Variants in UTP20 observed in about 807,000 individuals in gnomAD.
The protein encoded by UTP20 is small subunit processome component 20 homolog.
UTP20 carries 164 observed loss-of-function variants against 329.5 expected under a neutral mutation model. That is an observed-to-expected ratio of 0.50 (90% CI 0.44 to 0.57). The LOEUF (loss-of-function observed/expected upper bound fraction) is 0.57, where lower values mean the gene tolerates loss of function less well. UTP20 is among the 20% of genes least tolerant of loss of function. The pLI, the probability that UTP20 is intolerant of heterozygous loss-of-function variation, is 0.00. For synonymous variants in UTP20, 1,151 were observed against 1,159.3 expected, an observed-to-expected ratio of 0.99 and a Z score of 0.14; for missense variants, 3,055 against 3,284.2, an observed-to-expected ratio of 0.93 and a Z score of 1.71.
chr12:101,321,570 A>G lies in UTP20; in HGVS notation c.2982A>G (p.Ser994=), dbSNP rs1364117347. 6.2e-7 allele frequency: 1 copy of G among 1,613,638 alleles called. No homozygotes were observed. The highest frequency in any genetic ancestry group is 8.5e-7 in the Non-Finnish European group (1 of 1,179,812). ...FKEEIVHFSI[S]EDNAVVKTAH... ...AAGAGATAGTGCATTTTAGCATTTC[A>G]GAAGATAATGCTGTAGTGAAAACAG... Residue 994 remains serine (S), a synonymous_variant, in exon 25 of 62, where the codon TCA becomes TCG. Coordinates refer to ENST00000261637, the MANE Select transcript of UTP20 (RefSeq NM_014503.3).
At chr12:101,309,937 G>C (rs1872734405) in intron 19 of UTP20, 98 bp downstream of exon 19, 1 of 1,030,078 alleles carries the variant, frequency 9.7e-7, no homozygotes, top group African/African-American at 1.6e-5. Flanking sequence ...TTAAATGAAT[G>C]GGTGTATATG....
intron 29 of UTP20, among the ~76,000 whole-genome samples, chr12:101,337,199 T>C (rs1007286623): frequency 1.3e-5 from 2 of 152,156 alleles, no homozygotes; most frequent in African/African-American, 4.8e-5. Context: ...GTGTAGAGCC[T>C]ACCCGTACCA....
intron 41 of UTP20, among the ~76,000 whole-genome samples, chr12:101,355,814 A>G (rs1869699791): frequency 6.6e-6 from 1 of 152,088 alleles, no homozygotes; most frequent in African/African-American, 2.4e-5. Context: ...TTTGTAATAC[A>G]AATTTATATA....
rs137947999 is a variant in UTP20 at position 101,311,749 on chromosome 12, A to G, written c.2262A>G (p.Gln754=). Residue 754 remains glutamine (Q), a synonymous_variant, in exon 20 of 62, where the codon CAA becomes CAG. Coordinates refer to ENST00000261637, the MANE Select transcript of UTP20 (RefSeq NM_014503.3). ...ATGCACACGAAATGGAAAATAAGCA[A>G]TTTTGGAAAGTCTACTATGAGCATC... ...SSHAHEMENK[Q]FWKVYYEHLE... 929 of 1,613,308 alleles carry G rather than the reference A, an allele frequency of 5.8e-4. 2 individuals carry two copies. Among genetic ancestry groups the G allele is most frequent in the South Asian group, 9.4e-4 (85 of 90,838 alleles).
Position 101,352,141 on chromosome 12 carries a change from A to G in UTP20, c.4971A>G (p.Lys1657=). The change falls in exon 39 of 62, where the codon AAA becomes AAG. Residue 1657 remains lysine, a synonymous_variant. Coordinates refer to ENST00000261637, the MANE Select transcript of UTP20 (RefSeq NM_014503.3). ...GGTCAGCGTATATGTATTACTTGAA[A>G]CATTTCATTCATGTCTTACAAACGG... ...LSWSAYMYYL[K]HFIHVLQTGQ... 6.2e-7 allele frequency: 1 copy of G among 1,613,916 alleles called. No individual in the cohort carries two copies. The highest frequency in any genetic ancestry group is 8.5e-7 in the Non-Finnish European group (1 of 1,179,986).
At chr12:101,367,677 C>T (rs1238610700) in intron 47 of UTP20, among the ~76,000 whole-genome samples, 183 bp from the exon 48 acceptor site, 2 of 152,206 alleles carry the variant, frequency 1.3e-5, no homozygotes, top group Non-Finnish European at 2.9e-5. Flanking sequence ...AGCTGCACAG[C>T]GAGCTCTCAC....
intron 15 of UTP20, 49 bp downstream of exon 15, chr12:101,302,602 C>T (rs774598861): frequency 2.4e-6 from 3 of 1,257,172 alleles, no homozygotes; most frequent in Middle Eastern, 2.2e-4. Context: ...AATATAAAAG[C>T]CTCTATTGTT....
At chr12:101,373,539 G>T (rs184998154) in intron 53 of UTP20, 46 bp from the exon 54 acceptor site, 2 of 1,612,842 alleles carry the variant, frequency 1.2e-6, no homozygotes, top group Non-Finnish European at 1.7e-6. Flanking sequence ...TAGAGCATCT[G>T]TAGGAATTCC....
At chr12:101,319,776 A>G (rs745884906) in intron 23 of UTP20, 141 bp downstream of exon 23, 4 of 612,978 alleles carry the variant, frequency 6.5e-6, no homozygotes, top group Non-Finnish European at 1.0e-5. Flanking sequence ...TTTTTTTTTT[A>G]ATTAATAGAC....
At position 101,352,173 on chromosome 12, in the gene UTP20, T is replaced by G; in HGVS notation, c.5003T>G (p.Ile1668Ser). Reference sequence around the variant, plus strand: ...ATTCATGTCTTACAAACGGGACAGATCAATCAAAAACTGGGTGTCAGGTGT... The same window carrying G: ...ATTCATGTCTTACAAACGGGACAGAGCAATCAAAAACTGGGTGTCAGGTGT... Reference protein sequence around the residue: ...HFIHVLQTGQINQKLGVSLLV... With the variant: ...HFIHVLQTGQSNQKLGVSLLV... The change falls in exon 39 of 62, where the codon ATC becomes AGC. Residue 1668 changes from isoleucine (I) to serine (S), a missense_variant. Physicochemically the swap from Ile to Ser is moderately radical, Grantham distance 142. Transcript: ENST00000261637. 1 of 1,609,054 alleles carries G rather than the reference T, an allele frequency of 6.2e-7. No homozygotes were observed. Among genetic ancestry groups the G allele is most frequent in the South Asian group, 1.1e-5 (1 of 88,896 alleles).
Position 101,367,994 on chromosome 12 carries a change from C to T in UTP20, c.6384+18C>T. ...ATGTGAAGGTAAGCATCGGTTTGCA[C>T]TCTGCATTGGAGCATTTATTTCTTC... On this transcript the variant is annotated intron_variant, in intron 48 of 61. Coordinates refer to ENST00000261637, the MANE Select transcript of UTP20 (RefSeq NM_014503.3). 6.6e-6 allele frequency: 10 copies of T among 1,511,236 alleles called. No individual in the cohort carries two copies. Among genetic ancestry groups the T allele is most frequent in the Non-Finnish European group, 9.2e-6 (10 of 1,086,700 alleles). The allele number at this position is 1,511,236 out of a possible 1,614,324, so 93.6% of individuals were successfully genotyped here.
chr12:101,373,513 C>T, intron 53 of UTP20, 43 bp downstream of exon 53: 1 of 1,613,882 alleles, frequency 6.2e-7, no homozygotes, highest in Non-Finnish European at 8.5e-7. Flanking sequence ...CCTGGAAGTC[C>T]TCAGTCCCCC....
chr12:101,379,491 A>G lies in UTP20; in HGVS notation c.7517A>G (p.Lys2506Arg), dbSNP rs1337308543. The G allele has an allele frequency of 6.2e-7, 1 of 1,614,168 alleles. No homozygotes were observed. Among genetic ancestry groups the G allele is most frequent in the Non-Finnish European group, 8.5e-7 (1 of 1,180,006 alleles). ...GAGCTTATTCAAAAATGGAATACCAAAAAGACCAAAAAACACCTCCCAGAA... is the reference window on the plus strand; with the variant it reads ...GAGCTTATTCAAAAATGGAATACCAGAAAGACCAAAAAACACCTCCCAGAA... The part of the protein sequence containing the change: ...PEELIQKWNT[K>R]KTKKHLPEPV... Residue 2506 changes from lysine (K) to arginine (R), a missense_variant, in exon 57 of 62, where the codon AAA becomes AGA. This residue lies in a region of UTP20 where 337 missense variants were observed against 345.5 expected (regional missense o/e 0.98). Coordinates refer to ENST00000261637, the MANE Select transcript of UTP20 (RefSeq NM_014503.3).
At chr12:101,336,461 G>T (rs1427242959) in intron 29 of UTP20, among the ~76,000 whole-genome samples, 1 of 152,200 alleles carries the variant, frequency 6.6e-6, no homozygotes, top group African/African-American at 2.4e-5. Flanking sequence ...ATTAATTAGG[G>T]TGAACATGTA....
In UTP20 at chr12:101,338,034, A is replaced by C. The variant is rs73378737; in HGVS notation, c.3642-17A>C. ...ATATTGAGAATAAGATGATTACTAC[A>C]ATGTTTTTTCTTCCAGATATTTCCC... On this transcript the variant is annotated splice_polypyrimidine_tract_variant and intron_variant, in intron 29 of 61. Transcript: ENST00000261637. 6.2e-7 allele frequency: 1 copy of C among 1,610,272 alleles called. No individual in the cohort carries two copies. Among genetic ancestry groups the C allele is most frequent in the Non-Finnish European group, 8.5e-7 (1 of 1,176,780 alleles).
intron 54 of UTP20, among the ~76,000 whole-genome samples, chr12:101,374,096 G>A (rs557111035): frequency 1.3e-4 from 19 of 150,738 alleles, no homozygotes; most frequent in East Asian, 5.9e-4. Context: ...TTAGCCGGGC[G>A]TAGTGGCGGG....
intron 5 of UTP20, among the ~76,000 whole-genome samples, chr12:101,288,333 G>C (rs1593417124): frequency 1.3e-5 from 2 of 152,312 alleles, no homozygotes; most frequent in South Asian, 4.1e-4. Flanking sequence ...TTAACAATGT[G>C]ATTATATATA....
intron 38 of UTP20, among the ~76,000 whole-genome samples, chr12:101,347,462 G>A (rs1458631156): frequency 6.6e-6 from 1 of 152,120 alleles, no homozygotes; most frequent in Non-Finnish European, 1.5e-5. Flanking sequence ...GGCAGAGGCT[G>A]CAGTGAGCCG....
chr12:101,380,695 A>C (rs1004044252), intron 57 of UTP20, among the ~76,000 whole-genome samples: 1 of 151,094 alleles, frequency 6.6e-6, no homozygotes, highest in East Asian at 2.0e-4. Flanking sequence ...AAACCCCATC[A>C]CTACTAAAAA....
Sources: allele counts gnomAD v4.1 joint callset (sites outside exome capture counted in the v4.1 genomes callset), GRCh38; gene constraint gnomAD v4.1.1; regional missense constraint gnomAD v4.1.1; transcripts MANE v1.5; gene names NCBI Gene and HGNC (gene_info 2026-07-23, HGNC 2026-07-21).